Variants in RAP1GDS1 observed in about 807,000 individuals in gnomAD.
RAP1GDS1 encodes RAP1, GTP-GDP dissociation stimulator 1.
In RAP1GDS1, 35 loss-of-function variants were observed where a neutral mutation model predicts 71.1. The ratio of observed to expected loss-of-function variants is 0.49; its 90% CI spans 0.38 to 0.65. RAP1GDS1 has a LOEUF of 0.65. Among genes scored for constraint, RAP1GDS1 ranks in the 30% least tolerant of loss-of-function variants. The pLI is 0.00. For synonymous variants in RAP1GDS1, 229 were observed against 243.1 expected (o/e 0.94, Z 0.54); for missense variants, 663 against 706.1 (o/e 0.94, Z 0.69).
chr4:98,281,928 T>C (rs1725167692), intron 1 of RAP1GDS1, among the ~76,000 whole-genome samples: 2 of 152,202 alleles, frequency 1.3e-5, no homozygotes, highest in Admixed American at 1.3e-4. Flanking sequence ...TTTGCGTGTG[T>C]TGAACCAGCC....
intron 2 of RAP1GDS1, among the ~76,000 whole-genome samples, chr4:98,333,806 A>C (rs186442419): frequency 6.6e-6 from 1 of 152,268 alleles, no homozygotes; most frequent in Admixed American, 6.5e-5. Context: ...GTAAGAAACT[A>C]AAATATATTG....
intron 4 of RAP1GDS1, among the ~76,000 whole-genome samples, chr4:98,362,874 A>G (rs1489239605): frequency 1.3e-5 from 2 of 152,216 alleles, no homozygotes; most frequent in Non-Finnish European, 2.9e-5. Context: ...ACATACTACA[A>G]TTAAATCCAC....
At position 98,416,733 on chromosome 4, in the gene RAP1GDS1, G is replaced by A. The variant is rs371957742; in HGVS notation, c.764-12G>A. On this transcript the variant is annotated splice_polypyrimidine_tract_variant and intron_variant, in intron 7 of 14. Coordinates refer to ENST00000408927, the MANE Select transcript of RAP1GDS1 (RefSeq NM_001100427.2). Reference sequence around the variant, plus strand: ...CTCAAAGTTTGATTATTTTGTTCACGTTGTTCTTTAGATGCTATTAAACTA... The same window carrying A: ...CTCAAAGTTTGATTATTTTGTTCACATTGTTCTTTAGATGCTATTAAACTA... 1.1e-4 allele frequency: 178 copies of A among 1,583,358 alleles called. No individual in the cohort carries two copies. The highest frequency in any genetic ancestry group is 1.4e-4 in the Non-Finnish European group (165 of 1,154,666).
Position 98,380,428 on chromosome 4 carries a change from T to G in RAP1GDS1, c.508+1265T>G, listed in dbSNP as rs557533713. On this transcript the variant is annotated intron_variant, in intron 5 of 14. Transcript: ENST00000408927. ...CATCCTGTCCAAGGGCTACCAGTTT[T>G]AAGCCTTTGAATTAAGATAATAGAG... is the stretch of plus-strand genomic sequence containing the variant. Among the ~76,000 whole-genome samples the G allele has an allele frequency of 5.3e-5, 8 of 151,934 alleles. No homozygotes were observed. In the Admixed American group the frequency reaches 5.3e-4, roughly 10 times the overall value.
intron 1 of RAP1GDS1, among the ~76,000 whole-genome samples, chr4:98,282,253 T>C (rs192876433): frequency 6.6e-6 from 1 of 152,320 alleles, no homozygotes; most frequent in Non-Finnish European, 1.5e-5. Context: ...CTTTTTTTGG[T>C]TGGTAGGCTA....
Position 98,261,420 on chromosome 4 carries a change from A to C in RAP1GDS1, c.-146A>C. 2.0e-6 allele frequency: 1 copy of C among 506,454 alleles called. No individual in the cohort carries two copies. The highest frequency in any genetic ancestry group is 2.9e-6 in the Non-Finnish European group (1 of 346,780). 31.4% of individuals were successfully genotyped at this position (506,454 alleles called of 1,614,324 possible). A position where few individuals can be genotyped will look rare whatever the true frequency, so the allele number is the denominator to read the frequency against. ...CCGCGGCCGCGCCGCCTGCAGCAGC[A>C]CCAGCTGCTCCTCCCCGGCGGCCGC... On this transcript the variant is annotated 5_prime_UTR_variant, in exon 1 of 15. Transcript: ENST00000408927.
At chr4:98,285,220 T>G (rs1361048653) in intron 1 of RAP1GDS1, among the ~76,000 whole-genome samples, 3 of 152,222 alleles carry the variant, frequency 2.0e-5, no homozygotes, top group Non-Finnish European at 2.9e-5. Flanking sequence ...AAATGTTAAC[T>G]GAGTTTTTCT....
chr4:98,312,186 TATC>T (rs1730329573), intron 2 of RAP1GDS1, among the ~76,000 whole-genome samples: 1 of 152,204 alleles, frequency 6.6e-6, no homozygotes, highest in Non-Finnish European at 1.5e-5. Context: ...TTAATAATAG[TATC>T]ATCTAATTTT....
At chr4:98,276,958 A>T (rs1226755687) in intron 1 of RAP1GDS1, among the ~76,000 whole-genome samples, 2 of 152,132 alleles carry the variant, frequency 1.3e-5, no homozygotes, top group Non-Finnish European at 2.9e-5. Flanking sequence ...TAGATTAGGG[A>T]ACTGAGGATC....
At chr4:98,369,257 C>T (rs1003252475) in intron 4 of RAP1GDS1, among the ~76,000 whole-genome samples, 10 of 152,278 alleles carry the variant, frequency 6.6e-5, no homozygotes, top group Non-Finnish European at 1.2e-4. Flanking sequence ...GGGACACAGC[C>T]AGACCATATC....
chr4:98,408,799 TCTC>T (rs2110163925), intron 7 of RAP1GDS1, among the ~76,000 whole-genome samples: 1 of 152,290 alleles, frequency 6.6e-6, no homozygotes, highest in Admixed American at 6.5e-5. Flanking sequence ...ACCATGATCT[TCTC>T]AGATTTTAAA....
intron 12 of RAP1GDS1, among the ~76,000 whole-genome samples, chr4:98,426,714 G>A (rs1359007756): frequency 2.0e-5 from 3 of 151,952 alleles, no homozygotes; most frequent in African/African-American, 7.3e-5. Flanking sequence ...CAACCAGATT[G>A]AAATGGTAAT....
At chr4:98,419,881 C>CA (rs764553412) in intron 10 of RAP1GDS1, 138 bp from the exon 11 acceptor site, 48 of 950,328 alleles carry the variant, frequency 5.1e-5, no homozygotes, top group Non-Finnish European at 6.5e-5. Context: ...TTAAAATTGA[C>CA]AAAAAAGTGA....
intron 6 of RAP1GDS1, among the ~76,000 whole-genome samples, chr4:98,398,673 C>G (rs1744913208): frequency 6.6e-6 from 1 of 152,036 alleles, no homozygotes; most frequent in African/African-American, 2.4e-5. Flanking sequence ...GATCTTATAT[C>G]AAGAAAAACC....
chr4:98,335,905 G>C (rs1308847109), intron 2 of RAP1GDS1, among the ~76,000 whole-genome samples: 7 of 151,026 alleles, frequency 4.6e-5, no homozygotes, highest in African/African-American at 1.2e-4. Context: ...AGATTCCTTG[G>C]ATTACTCATT....
At chr4:98,392,149 A>G in intron 6 of RAP1GDS1, 69 bp downstream of exon 6, 1 of 1,383,608 alleles carries the variant, frequency 7.2e-7, no homozygotes, top group South Asian at 1.5e-5. Flanking sequence ...TTTTCTGTAG[A>G]TATTAAGAAG....
chr4:98,311,352 A>G (rs906272923), intron 2 of RAP1GDS1, among the ~76,000 whole-genome samples: 1 of 152,212 alleles, frequency 6.6e-6, no homozygotes, highest in Admixed American at 6.5e-5. Context: ...ATTTTTTAAA[A>G]TAAGTATGTG....
chr4:98,380,323 T>C (rs1262940741), intron 5 of RAP1GDS1, among the ~76,000 whole-genome samples: 2 of 151,818 alleles, frequency 1.3e-5, no homozygotes, highest in Admixed American at 1.3e-4. Flanking sequence ...GTCTAGTTTG[T>C]TATGTGACAT....
At chr4:98,362,153 G>T (rs941418916) in intron 4 of RAP1GDS1, among the ~76,000 whole-genome samples, 1 of 152,118 alleles carries the variant, frequency 6.6e-6, no homozygotes, top group African/African-American at 2.4e-5. Context: ...TTTCCTAGTA[G>T]ACTTCATAAA....
Sources: allele counts gnomAD v4.1 joint callset (sites outside exome capture counted in the v4.1 genomes callset), GRCh38; gene constraint gnomAD v4.1.1; transcripts MANE v1.5; gene names NCBI Gene and HGNC (gene_info 2026-07-23, HGNC 2026-07-21).